Variants in TMED3 observed in about 807,000 individuals in gnomAD.
The protein encoded by TMED3 is transmembrane p24 trafficking protein 3, also known as transmembrane emp24 domain-containing protein 3.
Under a neutral mutation model 15.0 loss-of-function variants are expected in TMED3, and 9 were observed. That is an observed-to-expected ratio of 0.60 (90% confidence interval 0.36 to 1.04). The LOEUF is 1.04. Among genes scored for constraint, TMED3 ranks in the 50% least tolerant of loss-of-function variants. TMED3 has a pLI of 0.01. For missense variants in TMED3, 267 were observed against 278.9 expected (o/e 0.96, Z 0.30); for synonymous variants, 117 against 121.4 (o/e 0.96, Z 0.24).
At position 79,322,289 on chromosome 15, in the gene TMED3, G is replaced by C; in HGVS notation, c.*75G>C. The C allele has an allele frequency of 6.5e-7, 1 of 1,544,444 alleles. No homozygotes were observed. Among genetic ancestry groups the C allele is most frequent in the Non-Finnish European group, 8.7e-7 (1 of 1,145,652 alleles). On this transcript the variant is annotated 3_prime_UTR_variant, in exon 3 of 3. Transcript: ENST00000299705. ...TCCTAGGTCACAGCCTGCTGGGCTGGGTCGCGTAGCCCAGGGTGGAGGCAG... is the reference window on the plus strand; with the variant it reads ...TCCTAGGTCACAGCCTGCTGGGCTGCGTCGCGTAGCCCAGGGTGGAGGCAG...
At chr15:79,324,452 C>G (rs558592588), downstream of TMED3, among the ~76,000 whole-genome samples, 3 of 152,084 alleles carry the variant, frequency 2.0e-5, no homozygotes, top group South Asian at 6.2e-4. Flanking sequence ...AAGTATGACT[C>G]TAAGAAGGAA....
chr15:79,333,004 G>A (rs1352951469), intron 2 of TMED3, among the ~76,000 whole-genome samples: 1 of 152,188 alleles, frequency 6.6e-6, no homozygotes, highest in Non-Finnish European at 1.5e-5. Flanking sequence ...ATCTCGCCTG[G>A]TTTGCTTCCT....
At chr15:79,375,877 G>A (rs1315071900) in intron 2 of TMED3, among the ~76,000 whole-genome samples, 1 of 152,194 alleles carries the variant, frequency 6.6e-6, no homozygotes, top group African/African-American at 2.4e-5. Context: ...AAGCCTTTCA[G>A]AGAAGGAAGG....
intron 2 of TMED3, among the ~76,000 whole-genome samples, chr15:79,353,927 T>C (rs895951585): frequency 3.3e-5 from 5 of 152,258 alleles, no homozygotes; most frequent in African/African-American, 7.2e-5. Flanking sequence ...CAGCTTCCCC[T>C]AGAATCCTTG....
At chr15:79,326,678 C>A (rs1376530085), downstream of TMED3, among the ~76,000 whole-genome samples, 1 of 152,134 alleles carries the variant, frequency 6.6e-6, no homozygotes, top group Non-Finnish European at 1.5e-5. Flanking sequence ...TTCTGTTTCT[C>A]CCCAGTTAAT....
At chr15:79,400,539 G>T (rs1021866041) in intron 2 of TMED3, among the ~76,000 whole-genome samples, 2 of 152,076 alleles carry the variant, frequency 1.3e-5, no homozygotes, top group Non-Finnish European at 2.9e-5. Flanking sequence ...TGATACCTAG[G>T]GTCTAGAGTT....
intron 2 of TMED3, among the ~76,000 whole-genome samples, chr15:79,380,991 C>A (rs1353710655): frequency 2.0e-5 from 3 of 151,882 alleles, no homozygotes; most frequent in African/African-American, 7.3e-5. Context: ...TCTTTTTTGT[C>A]CAAAAATGCC....
chr15:79,345,023 G>T (rs1274772576), intron 2 of TMED3, among the ~76,000 whole-genome samples: 2 of 152,164 alleles, frequency 1.3e-5, no homozygotes, highest in African/African-American at 2.4e-5. Context: ...GGGGGACAAT[G>T]AAAGACATAT....
intron 2 of TMED3, among the ~76,000 whole-genome samples, chr15:79,359,050 G>T (rs534315686): frequency 6.6e-6 from 1 of 152,278 alleles, no homozygotes; most frequent in South Asian, 2.1e-4. Context: ...CAGGAGTACA[G>T]CTCTGGCCAT....
chr15:79,311,495 G>A, intron 1 of TMED3, 78 bp downstream of exon 1: 1 of 1,477,142 alleles, frequency 6.8e-7, no homozygotes, highest in Non-Finnish European at 9.1e-7. Flanking sequence ...GCCCCTGACT[G>A]GAGGCGCTCG....
intron 2 of TMED3, among the ~76,000 whole-genome samples, chr15:79,399,869 G>C (rs1042573231): frequency 1.3e-5 from 2 of 152,206 alleles, no homozygotes; most frequent in Non-Finnish European, 2.9e-5. Context: ...ACTGGTACAT[G>C]CTTCAGTCTC....
At chr15:79,380,844 TATGATGCTTTG>T (rs1306101458) in intron 2 of TMED3, among the ~76,000 whole-genome samples, 17 of 152,274 alleles carry the variant, frequency 1.1e-4, no homozygotes, top group Admixed American at 7.8e-4. Flanking sequence ...TAGACAAGCC[TATGATGCTTTG>T]ATTAATCACT....
rs112437198 is a variant in TMED3 at position 79,401,583 on chromosome 15, A to G, written c.418-9817A>G. Among the ~76,000 whole-genome samples, 45 of 152,218 alleles carry G rather than the reference A, an allele frequency of 3.0e-4. 1 individual carries two copies. Among genetic ancestry groups the G allele is most frequent in the African/African-American group, 9.1e-4 (38 of 41,548 alleles). The stretch of plus-strand genomic sequence containing the variant: ...TGCAATGAACAGCACAGCTCCCCCA[A>G]CTATGAATTATCTGTTCCCAAATGT... On this transcript the variant is annotated intron_variant, in intron 2 of 2. Transcript: ENST00000424155.
chr15:79,388,122 T>C (rs928783076), intron 2 of TMED3, among the ~76,000 whole-genome samples: 1 of 152,132 alleles, frequency 6.6e-6, no homozygotes, highest in East Asian at 1.9e-4. Flanking sequence ...AGTAAAGTGA[T>C]GAATAGGACT....
At chr15:79,312,400 A>G (rs1400222248) in intron 1 of TMED3, among the ~76,000 whole-genome samples, 1 of 152,154 alleles carries the variant, frequency 6.6e-6, no homozygotes, top group Non-Finnish European at 1.5e-5. Flanking sequence ...AAAAAGAATG[A>G]TAATTCTGTG....
chr15:79,413,118 A>C (rs1233620242), exon 3 of TMED3: 2 of 152,260 alleles, frequency 1.3e-5, no homozygotes, highest in Non-Finnish European at 2.9e-5. Context: ...TGCAAACATG[A>C]GAAAGACCCA....
In TMED3 at chr15:79,318,264, G is replaced by A. The variant is rs112066553; in HGVS notation, c.418-3714G>A. Among the ~76,000 whole-genome samples the A allele has an allele frequency of 2.3e-4, 35 of 152,264 alleles. 1 individual carries two copies. The highest frequency in any genetic ancestry group is 7.9e-4 in the African/African-American group (33 of 41,552). On this transcript the variant is annotated intron_variant, in intron 2 of 2. Coordinates refer to ENST00000299705, the MANE Select transcript of TMED3 (RefSeq NM_007364.4). Reference sequence around the variant, plus strand: ...CCTTCTGTTGTTGGCTGTTTATACTGCATTCTAGTTGAGTAATTTTTTCTT... The same window carrying A: ...CCTTCTGTTGTTGGCTGTTTATACTACATTCTAGTTGAGTAATTTTTTCTT...
chr15:79,346,437 T>TTTATAAAGGGCAGTAC (rs1481124388), intron 2 of TMED3, among the ~76,000 whole-genome samples: 1 of 152,172 alleles, frequency 6.6e-6, no homozygotes, highest in African/African-American at 2.4e-5. Flanking sequence ...ATCTGATGGT[T>TTTATAAAGGGCAGTAC]TTATAAAGGG....
chr15:79,343,145 A>G (rs2058857429), intron 2 of TMED3, among the ~76,000 whole-genome samples: 1 of 152,166 alleles, frequency 6.6e-6, no homozygotes, highest in South Asian at 2.1e-4. Context: ...TAGTGGTTAA[A>G]AAGTGAAGTT....
Sources: allele counts gnomAD v4.1 joint callset (sites outside exome capture counted in the v4.1 genomes callset), GRCh38; gene constraint gnomAD v4.1.1; transcripts MANE v1.5; gene names NCBI Gene and HGNC (gene_info 2026-07-23, HGNC 2026-07-21).